The following LRCH2 variants were observed in gnomAD, a reference collection of about 807,000 sequenced individuals.
LRCH2 encodes the protein leucine-rich repeat and calponin homology domain-containing protein 2.
LRCH2 carries 38 observed loss-of-function variants against 68.9 expected under a neutral mutation model. That is an observed-to-expected ratio of 0.55 (90% CI 0.43 to 0.72). LRCH2 has a LOEUF of 0.72. Among genes scored for constraint, LRCH2 ranks in the 30% least tolerant of loss-of-function variants. The pLI, the probability that LRCH2 is intolerant of heterozygous loss-of-function variation, is 0.00. For synonymous variants in LRCH2, 191 were observed against 208.1 expected (o/e 0.92, Z 0.71); for missense variants, 528 against 572.9 (o/e 0.92, Z 0.80).
intron 1 of LRCH2, chrX:115,189,702 G>A (rs782203257): frequency 2.7e-4 from 312 of 1,166,923 alleles, no homozygotes; most frequent in African/African-American, 2.1e-3. Context: ...CCATCAAACC[G>A]GCATTCAAGA....
intron 1 of LRCH2, among the ~76,000 whole-genome samples, chrX:115,230,352 T>C (rs905374870): frequency 1.8e-5 from 2 of 111,034 alleles, no homozygotes; most frequent in Non-Finnish European, 3.8e-5. Flanking sequence ...CAATCACCAA[T>C]TGGAGATTCA....
intron 1 of LRCH2, chrX:115,189,758 G>A (rs1296309069): frequency 5.1e-6 from 6 of 1,167,187 alleles, no homozygotes; most frequent in Non-Finnish European, 6.9e-6. Flanking sequence ...AGTCGCTCAA[G>A]GTTCTCACAC....
chrX:115,143,653 T>A (rs1453227613), intron 14 of LRCH2, among the ~76,000 whole-genome samples: 1 of 111,392 alleles, frequency 9.0e-6, no homozygotes, highest in Non-Finnish European at 1.9e-5. Context: ...AGCCTAATAC[T>A]AAAACCAGAC....
At chrX:115,125,632 T>C (rs781945195) in intron 16 of LRCH2, among the ~76,000 whole-genome samples, 1 of 86,982 alleles carries the variant, frequency 1.1e-5, no homozygotes, top group Non-Finnish European at 2.2e-5. Context: ...TATATATACA[T>C]ATATATACAT....
chrX:115,125,236 G>C (rs1556527183), intron 16 of LRCH2, among the ~76,000 whole-genome samples: 1 of 106,507 alleles, frequency 9.4e-6, no homozygotes, highest in Non-Finnish European at 1.9e-5. Flanking sequence ...GTGAAACCCT[G>C]TCTCTACTAA....
chrX:115,115,866 A>G (rs1446522182), intron 20 of LRCH2, among the ~76,000 whole-genome samples: 1 of 110,808 alleles, frequency 9.0e-6, no homozygotes, highest in East Asian at 2.8e-4. Context: ...AAGATAAATA[A>G]TCTAACTCAG....
intron 20 of LRCH2, among the ~76,000 whole-genome samples, chrX:115,114,611 G>A (rs1410301814): frequency 1.8e-5 from 2 of 110,771 alleles, no homozygotes; most frequent in Admixed American, 1.9e-4. Flanking sequence ...GGCTAATCAG[G>A]AAGGAAAGAG....
intron 20 of LRCH2, among the ~76,000 whole-genome samples, chrX:115,121,266 T>G (rs1237937634): frequency 3.6e-5 from 4 of 111,370 alleles, no homozygotes; most frequent in Non-Finnish European, 7.5e-5. Context: ...ATGTAATGGC[T>G]GCAGAAAACG....
chrX:115,161,561 G>C (rs1556541719), intron 11 of LRCH2, among the ~76,000 whole-genome samples: 2 of 111,575 alleles, frequency 1.8e-5, no homozygotes, highest in African/African-American at 6.5e-5. Flanking sequence ...AAGAACAGCA[G>C]AAGTTTTTTT....
rs1556547056 is a variant in LRCH2 at position 115,170,300 on chromosome X, T to C, written c.997A>G (p.Ser333Gly). ...KRMPSQPLTDSMEDFYPNKNH... is the reference protein window; with the variant it reads ...KRMPSQPLTDGMEDFYPNKNH... ...GAAACTGTAAGAATGTTACATTACC[T>C]GTCTGTGAGAGGCTGTGAGGGCATT... Residue 333 changes from serine to glycine, a missense_variant and splice_region_variant, in exon 6 of 21, where the codon AGT (serine) becomes GGT (glycine). Physicochemically the swap from Ser to Gly is moderately conservative, Grantham distance 56 (BLOSUM62 0). Transcript: ENST00000317135. 2 of 1,165,513 alleles carry C rather than the reference T, an allele frequency of 1.7e-6. No individual in the cohort carries two copies. The highest frequency in any genetic ancestry group is 2.3e-6 in the Non-Finnish European group (2 of 875,230).
At chrX:115,146,906 T>TACACACACACACACACAC (rs57837250) in intron 14 of LRCH2, among the ~76,000 whole-genome samples, 2 of 67,594 alleles carry the variant, frequency 3.0e-5, no homozygotes, top group African/African-American at 1.1e-4. Flanking sequence ...CTTACATACA[T>TACACACACACACACACAC]ACACACACAC....
chrX:115,146,118 G>C (rs1344676598), intron 14 of LRCH2, among the ~76,000 whole-genome samples: 2 of 111,985 alleles, frequency 1.8e-5, no homozygotes, highest in Non-Finnish European at 3.8e-5. Flanking sequence ...TAAAGAAGGA[G>C]AGTCTGTCAT....
intron 20 of LRCH2, among the ~76,000 whole-genome samples, chrX:115,114,812 AAC>A (rs1267953410): frequency 9.0e-6 from 1 of 110,924 alleles, no homozygotes; most frequent in Admixed American, 9.6e-5. Context: ...AAGGCACAGA[AAC>A]ACACACAAAA....
rs140717217 is a variant in LRCH2 at position 115,144,665 on chromosome X, C to T, written c.1695+5162G>A. ...TTTCTATATGCCAACAGTGAACAATCTAAAAAAGAAATTTTAAAAATAATC... is the reference window on the plus strand; with the variant it reads ...TTTCTATATGCCAACAGTGAACAATTTAAAAAAGAAATTTTAAAAATAATC... On this transcript the variant is annotated intron_variant, in intron 14 of 20. Coordinates refer to ENST00000317135, the MANE Select transcript of LRCH2 (RefSeq NM_020871.4). Among the ~76,000 whole-genome samples, 845 of 110,610 alleles carry T rather than the reference C, an allele frequency of 7.6e-3. 11 individuals carry two copies. The highest frequency in any genetic ancestry group is 0.026 in the African/African-American group (803 of 30,403).
At position 115,156,610 on chromosome X, in the gene LRCH2, A is replaced by G. The variant is rs1556539787; in HGVS notation, c.1521T>C (p.Cys507=). ...CTAAGATATTTTTATACCTCTTTTC[A>G]CATTCCACAGTTTGTTTTGGCTTGT... ...MRNKPKQTVE[C]EKSVSADEVN... is the part of the protein sequence containing the mutation. Residue 507 remains cysteine (C), a synonymous_variant, in exon 12 of 21, where the codon TGT becomes TGC. Transcript: ENST00000317135. The G allele has an allele frequency of 2.6e-6, 3 of 1,135,123 alleles. No individual in the cohort carries two copies. The African/African-American group carries it at 5.5e-5, about 21-fold the overall frequency. The allele number at this position is 1,135,123 out of a possible 1,213,427, so 93.5% of individuals were successfully genotyped here.
intron 1 of LRCH2, among the ~76,000 whole-genome samples, chrX:115,205,519 A>G (rs782344724): frequency 8.9e-6 from 1 of 112,591 alleles, no homozygotes; most frequent in East Asian, 2.8e-4. Flanking sequence ...AATTGTAAAA[A>G]ATACATTACA....
At chrX:115,142,430 A>G (rs2072347435) in intron 14 of LRCH2, among the ~76,000 whole-genome samples, 1 of 112,230 alleles carries the variant, frequency 8.9e-6, no homozygotes, top group East Asian at 2.8e-4. Context: ...AATAAGTCTT[A>G]AAACAGTCAA....
intron 1 of LRCH2, among the ~76,000 whole-genome samples, chrX:115,198,217 G>C (rs1556564564): frequency 1.8e-5 from 2 of 110,127 alleles, no homozygotes; most frequent in Non-Finnish European, 3.8e-5. Context: ...AGATTAAAAG[G>C]CTTAGAAAGC....
In LRCH2 at chrX:115,162,148, T is replaced by C. The variant is rs1399577664; in HGVS notation, c.1463+1528A>G. On this transcript the variant is annotated intron_variant, in intron 11 of 20. Coordinates refer to ENST00000317135, the MANE Select transcript of LRCH2 (RefSeq NM_020871.4). ...GTTGCCCAGGCTGGTCTTGCACTCC[T>C]GAGCTCAAGCGATCCACCCACCTCG... is the stretch of plus-strand genomic sequence containing the variant. 2.7e-5 allele frequency among the ~76,000 whole-genome samples: 3 copies of C among 110,503 alleles called. No homozygotes were observed. In the Admixed American group the frequency reaches 2.9e-4, roughly 11 times the overall value.
Sources: allele counts gnomAD v4.1 joint callset (sites outside exome capture counted in the v4.1 genomes callset), GRCh38; gene constraint gnomAD v4.1.1; transcripts MANE v1.5; gene names NCBI Gene and HGNC (gene_info 2026-07-23, HGNC 2026-07-21).